The following TBCK variants were observed in gnomAD, a reference collection of about 807,000 sequenced individuals.
The protein encoded by TBCK is TBC domain-containing protein kinase-like protein.
TBCK carries 99 observed loss-of-function variants against 113.4 expected under a neutral mutation model. The ratio of observed to expected loss-of-function variants is 0.87; its 90% CI spans 0.74 to 1.03. TBCK has a LOEUF of 1.03. TBCK is among the 50% of genes least tolerant of loss of function. The probability of loss-of-function intolerance (pLI) is 0.00; values close to 1 mark genes in which losing one functional copy is unlikely to be tolerated. For synonymous variants in TBCK, 369 were observed against 370.8 expected, an observed-to-expected ratio of 1.00 and a Z score of 0.05; for missense variants, 1,045 against 1,061.3, an observed-to-expected ratio of 0.98 and a Z score of 0.21.
intron 25 of TBCK, among the ~76,000 whole-genome samples, chr4:106,075,666 T>C (rs1227715405): frequency 6.6e-6 from 1 of 152,224 alleles, no homozygotes; most frequent in African/African-American, 2.4e-5. Flanking sequence ...CTTATATATA[T>C]GTTTTTACCT....
intron 6 of TBCK, chr4:106,251,110 G>A: frequency 5.1e-6 from 2 of 388,922 alleles, no homozygotes; most frequent in Non-Finnish European, 1.0e-5. Context: ...CAATGATTGT[G>A]TGCCAAATTG....
Position 106,061,110 on chromosome 4 carries a change from CA to C in TBCK, c.2572-14431del, listed in dbSNP as rs1735992143. On this transcript the variant is annotated intron_variant, in intron 25 of 25. Transcript: ENST00000394708. Reference sequence around the variant, plus strand: ...GAAGATGCTGTGTCATTTTTGACAACAAAGCATTTATTATATAAATTTATTT... The same window carrying C: ...GAAGATGCTGTGTCATTTTTGACAACAAGCATTTATTATATAAATTTATTT... Among the ~76,000 whole-genome samples, 4 of 151,788 alleles carry C rather than the reference CA, an allele frequency of 2.6e-5. No homozygotes were observed. The South Asian group carries it at 8.3e-4, about 31-fold the overall frequency.
chr4:106,047,412 C>A (rs1020952586), intron 25 of TBCK, among the ~76,000 whole-genome samples: 11 of 152,182 alleles, frequency 7.2e-5, no homozygotes, highest in Admixed American at 2.6e-4. Context: ...TATGCTCAGA[C>A]CTTTTCTTGG....
At chr4:106,230,342 A>G (rs1758720194) in intron 19 of TBCK, 21 bp downstream of exon 19, 2 of 1,481,292 alleles carry the variant, frequency 1.4e-6, no homozygotes, top group Non-Finnish European at 1.9e-6. Flanking sequence ...CTGTAGAAAG[A>G]CATGGAAGAC....
At chr4:106,147,605 C>T (rs1015019119) in intron 23 of TBCK, among the ~76,000 whole-genome samples, 12 of 152,128 alleles carry the variant, frequency 7.9e-5, no homozygotes, top group Non-Finnish European at 1.3e-4. Flanking sequence ...TTATCACTTC[C>T]CCAATCAGTA....
chr4:106,066,024 T>A (rs569314919), intron 25 of TBCK, among the ~76,000 whole-genome samples: 1 of 152,162 alleles, frequency 6.6e-6, no homozygotes, highest in South Asian at 2.1e-4. Flanking sequence ...AACCATCTTA[T>A]AGCAATAAAC....
At chr4:106,131,724 T>A (rs997907213) in intron 23 of TBCK, among the ~76,000 whole-genome samples, 2 of 152,024 alleles carry the variant, frequency 1.3e-5, no homozygotes, top group Non-Finnish European at 1.5e-5. Flanking sequence ...CAGACAGAAG[T>A]TGGAACAGTT....
In TBCK at chr4:106,230,413, G is replaced by A; in HGVS notation, c.1724C>T (p.Pro575Leu). Residue 575 changes from proline (P) to leucine (L), a missense_variant, in exon 19 of 26, where the codon CCC becomes CTC. Coordinates refer to ENST00000394708, the MANE Select transcript of TBCK (RefSeq NM_001163435.3). ...TAAGAAGAAGTTATACAGGTATTTGGGAATAAAAGCAGACATACATGCATA... is the reference window on the plus strand; with the variant it reads ...TAAGAAGAAGTTATACAGGTATTTGAGAATAAAAGCAGACATACATGCATA... ...LAYACMSAFIPKYLYNFFLKD... is the reference protein window; with the variant it reads ...LAYACMSAFILKYLYNFFLKD... 1 of 1,601,880 alleles carries A rather than the reference G, an allele frequency of 6.2e-7. No individual in the cohort carries two copies. Among genetic ancestry groups the A allele is most frequent in the Non-Finnish European group, 8.5e-7 (1 of 1,171,986 alleles).
chr4:106,201,795 C>T (rs565752678), intron 20 of TBCK, among the ~76,000 whole-genome samples: 42 of 151,984 alleles, frequency 2.8e-4, no homozygotes, highest in African/African-American at 9.6e-4. Context: ...TTTCTTAATC[C>T]ACATCCTTTA....
intron 3 of TBCK, among the ~76,000 whole-genome samples, chr4:106,267,516 A>T (rs1201583851): frequency 6.6e-6 from 1 of 152,014 alleles, no homozygotes; most frequent in African/African-American, 2.4e-5. Flanking sequence ...AGAATTATTC[A>T]TCATTTTCCT....
At chr4:106,222,151 T>C (rs1490792527) in intron 19 of TBCK, among the ~76,000 whole-genome samples, 1 of 151,664 alleles carries the variant, frequency 6.6e-6, no homozygotes, top group Non-Finnish European at 1.5e-5. Flanking sequence ...GTTTATTATA[T>C]TACAGTATAA....
intron 25 of TBCK, among the ~76,000 whole-genome samples, chr4:106,078,082 A>T (rs1738426288): frequency 6.6e-6 from 1 of 152,214 alleles, no homozygotes; most frequent in African/African-American, 2.4e-5. Flanking sequence ...TCAAAACATT[A>T]TTTGAAATGA....
intron 23 of TBCK, among the ~76,000 whole-genome samples, chr4:106,151,771 AT>A (rs1748518964): frequency 6.6e-6 from 1 of 151,966 alleles, no homozygotes; most frequent in South Asian, 2.1e-4. Flanking sequence ...TCTTGTATTA[AT>A]GTTTCATAGT....
chr4:106,249,018 T>G (rs1761149586), intron 7 of TBCK, 36 bp from the exon 8 acceptor site: 1 of 1,472,632 alleles, frequency 6.8e-7, no homozygotes. Flanking sequence ...TAAATGCTAT[T>G]TTTCTAATCT....
At chr4:106,229,653 T>A (rs1758636374) in intron 19 of TBCK, among the ~76,000 whole-genome samples, 1 of 152,070 alleles carries the variant, frequency 6.6e-6, no homozygotes, top group Non-Finnish European at 1.5e-5. Flanking sequence ...AGCTCTGTAG[T>A]ATAATTTGAA....
chr4:106,180,477 C>T (rs767867352), intron 22 of TBCK, among the ~76,000 whole-genome samples: 1 of 151,900 alleles, frequency 6.6e-6, no homozygotes, highest in African/African-American at 2.4e-5. Flanking sequence ...TGGTGGTCTG[C>T]AGCACCCATC....
intron 19 of TBCK, among the ~76,000 whole-genome samples, chr4:106,228,487 C>T (rs1248968971): frequency 6.6e-6 from 1 of 151,948 alleles, no homozygotes; most frequent in African/African-American, 2.4e-5. Flanking sequence ...TAAGTGAGAA[C>T]ATGTGAAGCC....
At chr4:106,301,969 T>C (rs1766993427) in intron 2 of TBCK, among the ~76,000 whole-genome samples, 1 of 152,206 alleles carries the variant, frequency 6.6e-6, no homozygotes, top group Non-Finnish European at 1.5e-5. Context: ...TTTTTCAAAG[T>C]AGATGCAACT....
chr4:106,067,109 A>G (rs1736733246), intron 25 of TBCK, among the ~76,000 whole-genome samples: 1 of 152,080 alleles, frequency 6.6e-6, no homozygotes, highest in Admixed American at 6.6e-5. Flanking sequence ...TATAGAAGCT[A>G]CATCATTTTA....
Sources: allele counts gnomAD v4.1 joint callset (sites outside exome capture counted in the v4.1 genomes callset), GRCh38; gene constraint gnomAD v4.1.1; transcripts MANE v1.5; gene names NCBI Gene and HGNC (gene_info 2026-07-23, HGNC 2026-07-21).